RASAL2: variants seen among roughly 807,000 people sequenced by gnomAD.
RASAL2 encodes ras GTPase-activating protein nGAP.
A neutral mutation model predicts 128.9 loss-of-function variants in RASAL2; 58 were observed. The ratio of observed to expected loss-of-function variants is 0.45; its 90% CI spans 0.36 to 0.56. The LOEUF (loss-of-function observed/expected upper bound fraction) is 0.56, where lower values mean the gene tolerates loss of function less well. Ranked by LOEUF, RASAL2 falls within the 20% of genes least tolerant of loss-of-function variation. The pLI is 0.00. For missense variants in RASAL2, 1,360 were observed against 1,601.6 expected, an observed-to-expected ratio of 0.85 and a Z score of 2.57; for synonymous variants, 561 against 580.8, an observed-to-expected ratio of 0.97 and a Z score of 0.49.
At chr1:178,133,162 A>G (rs935882197) in intron 1 of RASAL2, among the ~76,000 whole-genome samples, 4 of 152,206 alleles carry the variant, frequency 2.6e-5, no homozygotes, top group South Asian at 2.1e-4. Flanking sequence ...TTAGAGCTCA[A>G]TGCTTTGTCC....
intron 1 of RASAL2, among the ~76,000 whole-genome samples, chr1:178,268,186 G>T (rs1666068062): frequency 6.6e-6 from 1 of 151,964 alleles, no homozygotes; most frequent in South Asian, 2.1e-4. Context: ...TTAAAAATTA[G>T]CAGCTGGGCG....
intron 1 of RASAL2, among the ~76,000 whole-genome samples, chr1:178,256,707 T>C (rs1665362236): frequency 6.6e-6 from 1 of 152,232 alleles, no homozygotes; most frequent in South Asian, 2.1e-4. Context: ...AGAGTCTTGC[T>C]CTGTCGCCCA....
chr1:178,241,790 A>T (rs372806759), intron 1 of RASAL2, among the ~76,000 whole-genome samples: 1 of 152,208 alleles, frequency 6.6e-6, no homozygotes, highest in Non-Finnish European at 1.5e-5. Flanking sequence ...AATAGTACAG[A>T]TTAATTCTCC....
intron 1 of RASAL2, among the ~76,000 whole-genome samples, chr1:178,119,866 C>T (rs894177338): frequency 6.6e-6 from 1 of 152,132 alleles, no homozygotes; most frequent in African/African-American, 2.4e-5. Flanking sequence ...ATGGTGCTAG[C>T]CAAAAGAGGA....
chr1:178,162,837 C>T (rs1338036180), intron 1 of RASAL2, among the ~76,000 whole-genome samples: 2 of 151,774 alleles, frequency 1.3e-5, no homozygotes, highest in Non-Finnish European at 2.9e-5. Flanking sequence ...ATCCACCTGC[C>T]TCAGCCTCCC....
intron 4 of RASAL2, among the ~76,000 whole-genome samples, chr1:178,416,867 G>A (rs548035350): frequency 3.9e-5 from 6 of 151,900 alleles, no homozygotes; most frequent in African/African-American, 1.4e-4. Context: ...TGTACATAAG[G>A]TGTTTTTTCC....
At chr1:178,468,116 A>G (rs1047198318) in intron 17 of RASAL2, among the ~76,000 whole-genome samples, 1 of 152,270 alleles carries the variant, frequency 6.6e-6, no homozygotes. Context: ...CAATGATTAG[A>G]GCAAAATCCA....
intron 3 of RASAL2, among the ~76,000 whole-genome samples, chr1:178,374,229 G>A (rs930472995): frequency 6.6e-6 from 1 of 152,064 alleles, no homozygotes; most frequent in Non-Finnish European, 1.5e-5. Flanking sequence ...GATAGTTCGA[G>A]GATTAAGTAA....
At chr1:178,314,867 C>T (rs1006616687) in intron 3 of RASAL2, among the ~76,000 whole-genome samples, 1 of 150,406 alleles carries the variant, frequency 6.6e-6, no homozygotes, top group African/African-American at 2.4e-5. Context: ...TATACATGTG[C>T]CATGCTGGTG....
At chr1:178,359,737 C>T (rs1320004097) in intron 3 of RASAL2, among the ~76,000 whole-genome samples, 1 of 152,140 alleles carries the variant, frequency 6.6e-6, no homozygotes, top group Non-Finnish European at 1.5e-5. Flanking sequence ...TGATGGTGAA[C>T]TCTGATTTTG....
At chr1:178,285,269 C>T (rs1666972056) in intron 2 of RASAL2, among the ~76,000 whole-genome samples, 2 of 151,248 alleles carry the variant, frequency 1.3e-5, no homozygotes, top group Middle Eastern at 3.4e-3. Context: ...TACAGGCGCC[C>T]GCCACCGCGC....
At chr1:178,256,839 A>C (rs1665371963) in intron 1 of RASAL2, among the ~76,000 whole-genome samples, 1 of 151,950 alleles carries the variant, frequency 6.6e-6, no homozygotes, top group Non-Finnish European at 1.5e-5. Flanking sequence ...ATGCCCTGCT[A>C]AAGTTTTGTA....
At chr1:178,264,881 AT>A (rs1665874164) in intron 1 of RASAL2, among the ~76,000 whole-genome samples, 1 of 152,110 alleles carries the variant, frequency 6.6e-6, no homozygotes. Context: ...CAACCCTCTA[AT>A]CACAGGGTTG....
chr1:178,411,964 C>G lies in RASAL2; in HGVS notation c.565-8547C>G, dbSNP rs145287166. 5,299 of 594,960 alleles carry G rather than the reference C, an allele frequency of 8.9e-3. 62 individuals carry two copies. The highest frequency in any genetic ancestry group is 0.053 in the Middle Eastern group (193 of 3,646). The allele number at this position is 594,960 out of a possible 1,614,324, so 36.9% of individuals were successfully genotyped here. A position where few individuals can be genotyped will look rare whatever the true frequency, so the allele number is the denominator to read the frequency against. On this transcript the variant is annotated intron_variant, in intron 4 of 17. Transcript: ENST00000367649. The stretch of plus-strand genomic sequence containing the variant: ...CAGATTGAGGACATCACCCCCCATC[C>G]CCTCTTGACGGCACCCACAGGAAGT...
At chr1:178,181,881 C>G (rs766697881) in intron 1 of RASAL2, among the ~76,000 whole-genome samples, 24 of 152,068 alleles carry the variant, frequency 1.6e-4, no homozygotes, top group Admixed American at 4.6e-4. Context: ...AGGGTACACA[C>G]TATCAACATG....
At chr1:178,183,213 G>A (rs1402223425) in intron 1 of RASAL2, among the ~76,000 whole-genome samples, 1 of 152,180 alleles carries the variant, frequency 6.6e-6, no homozygotes, top group Non-Finnish European at 1.5e-5. Context: ...ACTTAGGACA[G>A]CACCCTTTCC....
intron 1 of RASAL2, among the ~76,000 whole-genome samples, chr1:178,208,974 A>G (rs1254502385): frequency 6.6e-6 from 1 of 152,150 alleles, no homozygotes; most frequent in Non-Finnish European, 1.5e-5. Flanking sequence ...AAATCAGGGA[A>G]AAAAGATTTT....
At chr1:178,437,884 T>G (rs60592193) in intron 5 of RASAL2, among the ~76,000 whole-genome samples, 6,010 of 152,156 alleles carry the variant, frequency 0.039, 406 homozygotes, top group African/African-American at 0.14. Context: ...ATATTTTTCT[T>G]TTTTGTTTTT....
Position 178,160,020 on chromosome 1 carries a change from G to GT in RASAL2, c.202+65336dup, listed in dbSNP as rs200042056. 1.2e-3 allele frequency among the ~76,000 whole-genome samples: 177 copies of GT among 145,794 alleles called. 1 individual carries two copies. Among genetic ancestry groups the GT allele is most frequent in the East Asian group, 4.2e-3 (21 of 5,026 alleles). ...CAGCCTCTAGGAAAATTATTCTGTA[G>GT]TTTTTTTTTTAAGGAAATAACCGGT... On this transcript the variant is annotated intron_variant, in intron 1 of 17. Coordinates refer to ENST00000367649, the MANE Select transcript of RASAL2 (RefSeq NM_170692.4).
Sources: gnomAD v4.1 joint callset for allele counts (sites outside exome capture counted in the v4.1 genomes callset) on GRCh38, gnomAD v4.1.1 for gene constraint, MANE v1.5 for transcripts, NCBI Gene and HGNC (gene_info 2026-07-23, HGNC 2026-07-21) for gene names.